The following RNF216 variants were observed in gnomAD, a reference collection of about 807,000 sequenced individuals.
The protein encoded by RNF216 is E3 ubiquitin-protein ligase RNF216.
RNF216 carries 72 observed loss-of-function variants against 110.8 expected under a neutral mutation model. The observed-to-expected ratio is 0.65, with a 90% CI of 0.54 to 0.79. The LOEUF (loss-of-function observed/expected upper bound fraction) is 0.79. Among genes scored for constraint, RNF216 ranks in the 30% least tolerant of loss-of-function variants. The probability of loss-of-function intolerance (pLI) is 0.00; values close to 1 mark genes in which losing one functional copy is unlikely to be tolerated. For missense variants in RNF216, 1,342 were observed against 1,141.2 expected (o/e 1.18, Z -2.54); for synonymous variants, 495 against 407.5 (o/e 1.21, Z -2.59).
chr7:5,717,261 G>C (rs1487176642), intron 9 of RNF216, among the ~76,000 whole-genome samples: 1 of 152,204 alleles, frequency 6.6e-6, no homozygotes, highest in South Asian at 2.1e-4. Context: ...GCTGAAGCAG[G>C]AAGATTACTT....
Position 5,741,863 on chromosome 7 carries a change from T to A in RNF216, c.202-48A>T, listed in dbSNP as rs577035641. The A allele has an allele frequency of 5.1e-5, 79 of 1,544,886 alleles. 3 individuals carry two copies. The South Asian group carries it at 9.8e-4, about 19-fold the overall frequency. On this transcript the variant is annotated intron_variant, in intron 3 of 16. Coordinates refer to ENST00000389902, the MANE Select transcript of RNF216 (RefSeq NM_207111.4). The stretch of plus-strand genomic sequence containing the variant: ...TAATTCAATTTCTTTCCTATGCCTA[T>A]CCCTCCTTATGTACTTATATTGAGC...
At chr7:5,697,997 C>T (rs1292740754) in intron 13 of RNF216, among the ~76,000 whole-genome samples, 1 of 152,138 alleles carries the variant, frequency 6.6e-6, no homozygotes, top group African/African-American at 2.4e-5. Flanking sequence ...TCTGGATCAG[C>T]TTCTCAGACA....
intron 13 of RNF216, among the ~76,000 whole-genome samples, chr7:5,683,726 C>G (rs1407814501): frequency 6.6e-6 from 1 of 152,206 alleles, no homozygotes; most frequent in African/African-American, 2.4e-5. Flanking sequence ...TTAGGAATTA[C>G]AACTGTTTTT....
rs534108490 is a variant in RNF216, at chr7:5,714,947, A to C, written c.1833+106T>G. 102 of 1,005,922 alleles carry C rather than the reference A, an allele frequency of 1.0e-4. No individual in the cohort carries two copies. In the African/African-American group the frequency reaches 1.5e-3, roughly 15 times the overall value. 62.3% of individuals were successfully genotyped at this position (1,005,922 alleles called of 1,614,324 possible). ...ATGTACACATAAGCATACCAGCAGAACTCCACCTCACCCTCAAAGAGGCAC... is the reference window on the plus strand; with the variant it reads ...ATGTACACATAAGCATACCAGCAGACCTCCACCTCACCCTCAAAGAGGCAC... On this transcript the variant is annotated intron_variant, in intron 11 of 16. Coordinates refer to ENST00000389902, the MANE Select transcript of RNF216 (RefSeq NM_207111.4).
intron 5 of RNF216, 79 bp from the exon 6 acceptor site, chr7:5,730,896 G>C (rs1794049034): frequency 6.4e-7 from 1 of 1,570,104 alleles, no homozygotes; most frequent in Non-Finnish European, 8.7e-7. Flanking sequence ...AATGGTTGAA[G>C]AATATAGTCC....
chr7:5,682,068 G>A (rs1790687003), intron 13 of RNF216, among the ~76,000 whole-genome samples: 1 of 152,256 alleles, frequency 6.6e-6, no homozygotes, highest in Non-Finnish European at 1.5e-5. Flanking sequence ...GGATGATGGA[G>A]AAATGCTTGC....
At chr7:5,774,755 G>A (rs1796683497) in intron 1 of RNF216, among the ~76,000 whole-genome samples, 1 of 127,448 alleles carries the variant, frequency 7.8e-6, no homozygotes, top group Non-Finnish European at 1.8e-5. Context: ...CCCATTCCAA[G>A]TTACTTTTTT....
At chr7:5,645,428 T>A (rs2128571074) in intron 14 of RNF216, among the ~76,000 whole-genome samples, 1 of 152,254 alleles carries the variant, frequency 6.6e-6, no homozygotes, top group African/African-American at 2.4e-5. Flanking sequence ...CTTTTCTTCA[T>A]TCATTTTTCT....
intron 1 of RNF216, among the ~76,000 whole-genome samples, chr7:5,772,994 A>G (rs1796578726): frequency 6.6e-6 from 1 of 151,428 alleles, no homozygotes; most frequent in Non-Finnish European, 1.5e-5. Flanking sequence ...TGGCCAGGCT[A>G]GTCTCGAACT....
At chr7:5,705,368 G>A (rs78466492) in intron 13 of RNF216, among the ~76,000 whole-genome samples, 3,032 of 152,288 alleles carry the variant, frequency 0.02, 94 homozygotes, top group African/African-American at 0.068. Flanking sequence ...ACACGCCTGT[G>A]AGACCTCTGG....
At chr7:5,670,646 C>A (rs907009626) in intron 13 of RNF216, among the ~76,000 whole-genome samples, 10 of 152,120 alleles carry the variant, frequency 6.6e-5, no homozygotes, top group Non-Finnish European at 1.3e-4. Context: ...TCATTAGTTT[C>A]TTCATGTCCG....
At chr7:5,684,764 A>G (rs1790871752) in intron 13 of RNF216, among the ~76,000 whole-genome samples, 1 of 152,206 alleles carries the variant, frequency 6.6e-6, no homozygotes, top group Non-Finnish European at 1.5e-5. Flanking sequence ...ACATATAGTT[A>G]GGAAAAACAA....
chr7:5,648,097 C>A (rs1033657409), intron 14 of RNF216, among the ~76,000 whole-genome samples: 1 of 150,266 alleles, frequency 6.7e-6, no homozygotes, highest in Non-Finnish European at 1.5e-5. Flanking sequence ...CCTAATCAAG[C>A]CTTTAGCTCT....
chr7:5,746,304 G>A (rs1034270549), intron 3 of RNF216, among the ~76,000 whole-genome samples: 1 of 152,174 alleles, frequency 6.6e-6, no homozygotes, highest in Admixed American at 6.5e-5. Context: ...TTTTGGGAAT[G>A]TGGGGGCTCA....
chr7:5,621,196 T>TA lies in RNF216; in HGVS notation c.*1663dup, dbSNP rs1292854397. ...GTTTTTTTTTTTTTTTTTTTAAAGA[T>TA]AGAGTTTTGCTTTTGTTGCTCAGGC... On this transcript the variant is annotated 3_prime_UTR_variant, in exon 17 of 17. Coordinates refer to ENST00000389902, the MANE Select transcript of RNF216 (RefSeq NM_207111.4). The TA allele has an allele frequency of 2.1e-5, 3 of 145,694 alleles. No individual in the cohort carries two copies. The highest frequency in any genetic ancestry group is 6.8e-5 in the Admixed American group (1 of 14,692). 9.0% of individuals were successfully genotyped at this position (145,694 alleles called of 1,614,324 possible). A position where few individuals can be genotyped will look rare whatever the true frequency, so the allele number is the denominator to read the frequency against.
chr7:5,684,288 T>C (rs535564653), intron 13 of RNF216, among the ~76,000 whole-genome samples: 3 of 152,050 alleles, frequency 2.0e-5, no homozygotes, highest in African/African-American at 7.2e-5. Context: ...TTTGTATTTT[T>C]AGTAGAGACG....
chr7:5,641,845 A>G (rs1378525517), intron 14 of RNF216, among the ~76,000 whole-genome samples: 1 of 151,412 alleles, frequency 6.6e-6, no homozygotes, highest in Non-Finnish European at 1.5e-5. Context: ...GACCAGCCTG[A>G]CCAACATGGT....
intron 13 of RNF216, among the ~76,000 whole-genome samples, chr7:5,654,875 C>A (rs563051044): frequency 6.6e-6 from 1 of 151,758 alleles, no homozygotes; most frequent in Non-Finnish European, 1.5e-5. Flanking sequence ...TATTACCCAC[C>A]GAAACATACA....
intron 1 of RNF216, among the ~76,000 whole-genome samples, chr7:5,767,599 G>C (rs568898806): frequency 8.0e-6 from 1 of 125,508 alleles, no homozygotes; most frequent in Admixed American, 9.2e-5. Context: ...ATTGTTGAGA[G>C]GGATTTTTTT....
Sources: allele counts gnomAD v4.1 joint callset (sites outside exome capture counted in the v4.1 genomes callset), GRCh38; gene constraint gnomAD v4.1.1; transcripts MANE v1.5; gene names NCBI Gene and HGNC (gene_info 2026-07-23, HGNC 2026-07-21).